Variants in JAK2 observed in about 807,000 individuals in gnomAD.
The protein encoded by JAK2 is tyrosine-protein kinase JAK2.
Under a neutral mutation model 139.3 loss-of-function variants are expected in JAK2, and 86 were observed. The observed-to-expected ratio is 0.62, with a 90% CI of 0.52 to 0.74. The LOEUF (loss-of-function observed/expected upper bound fraction) is 0.74. Among genes scored for constraint, JAK2 ranks in the 30% least tolerant of loss-of-function variants. The pLI, the probability that JAK2 is intolerant of heterozygous loss-of-function variation, is 0.00. For synonymous variants in JAK2, 490 were observed against 437.7 expected (o/e 1.12, Z -1.49); for missense variants, 1,421 against 1,360.3 (o/e 1.04, Z -0.70).
intron 22 of JAK2, chr9:5,091,113 A>G (rs934014090): frequency 1.6e-5 from 7 of 436,248 alleles, no homozygotes; most frequent in African/African-American, 1.0e-4. Flanking sequence ...CTTTATTTCT[A>G]TTAAGTGTTG....
intron 2 of JAK2, among the ~76,000 whole-genome samples, chr9:4,998,970 C>T (rs761032393): frequency 4.0e-5 from 6 of 150,940 alleles, no homozygotes; most frequent in Admixed American, 6.6e-5. Flanking sequence ...TACAGGTGCC[C>T]GCCACCACGC....
chr9:5,067,610 C>T (rs1290142339), intron 10 of JAK2, among the ~76,000 whole-genome samples: 1 of 151,786 alleles, frequency 6.6e-6, no homozygotes, highest in Non-Finnish European at 1.5e-5. Context: ...TATCCTGTTA[C>T]TATAACAGAT....
chr9:5,004,389 GTC>G, intron 2 of JAK2, among the ~76,000 whole-genome samples: 1 of 152,020 alleles, frequency 6.6e-6, no homozygotes, highest in Non-Finnish European at 1.5e-5. Flanking sequence ...ATACAGTTTT[GTC>G]TTTCTGTGCC....
chr9:5,082,446 C>T (rs571544729), intron 19 of JAK2, among the ~76,000 whole-genome samples: 12 of 152,332 alleles, frequency 7.9e-5, no homozygotes, highest in East Asian at 3.9e-4. Flanking sequence ...TCTCGCCTCC[C>T]GCCACAGGGC....
intron 6 of JAK2, among the ~76,000 whole-genome samples, chr9:5,051,952 T>C (rs1315696527): frequency 6.6e-6 from 1 of 152,046 alleles, no homozygotes; most frequent in Non-Finnish European, 1.5e-5. Flanking sequence ...ATCTAGAAGA[T>C]TCCAAAGCCC....
rs1824125805 is a variant in JAK2, at chr9:5,128,132, A to AAACTT, written c.*1344_*1348dup. The AAACTT allele has an allele frequency of 4.3e-6, 1 of 230,622 alleles. No homozygotes were observed. Among genetic ancestry groups the AAACTT allele is most frequent in the Non-Finnish European group, 8.5e-6 (1 of 117,220 alleles). 14.3% of individuals were successfully genotyped at this position (230,622 alleles called of 1,614,324 possible). A position where few individuals can be genotyped will look rare whatever the true frequency, so the allele number is the denominator to read the frequency against. On this transcript the variant is annotated 3_prime_UTR_variant, in exon 25 of 25. Transcript: ENST00000381652. Reference sequence around the variant, plus strand: ...TGTGTGTGTGTGTGTTATTTATACAAAACTTAAAATACTTGCTGTTTTGAT... The same window carrying AAACTT: ...TGTGTGTGTGTGTGTTATTTATACAAAACTTAACTTAAAATACTTGCTGTTTTGAT...
At chr9:5,029,996 C>A in intron 4 of JAK2, 90 bp downstream of exon 4, 3 of 1,120,472 alleles carry the variant, frequency 2.7e-6, no homozygotes, top group East Asian at 2.5e-5. Flanking sequence ...GTACTTAATA[C>A]CAGATACCTG....
At chr9:5,004,887 T>C (rs951559090) in intron 2 of JAK2, among the ~76,000 whole-genome samples, 2 of 151,832 alleles carry the variant, frequency 1.3e-5, no homozygotes, top group African/African-American at 4.8e-5. Flanking sequence ...TGAACGTTTT[T>C]TCATGAACAT....
Position 4,990,533 on chromosome 9 carries a change from A to C in JAK2, c.-26+4511A>C, listed in dbSNP as rs189716559. On this transcript the variant is annotated intron_variant, in intron 2 of 24. Transcript: ENST00000381652. ...GCGAAGTTAAGGCTGGTGCTGTGGT[A>C]CTTAAGAGAAAAGAGTGGGATTGCC... Among the ~76,000 whole-genome samples, 235 of 152,236 alleles carry C rather than the reference A, an allele frequency of 1.5e-3. 1 individual carries two copies. Among genetic ancestry groups the C allele is most frequent in the African/African-American group, 4.8e-3 (198 of 41,528 alleles).
At chr9:5,085,039 C>T (rs192184627) in intron 19 of JAK2, 13 of 787,666 alleles carry the variant, frequency 1.7e-5, no homozygotes, top group African/African-American at 5.2e-5. Context: ...TGAATGAGGG[C>T]GTCTCTTTCT....
chr9:5,080,935 G>T (rs1352531777), intron 18 of JAK2, among the ~76,000 whole-genome samples: 6 of 117,508 alleles, frequency 5.1e-5, no homozygotes, highest in African/African-American at 1.4e-4. Flanking sequence ...TTACTCTGTC[G>T]CCCAGGCTGG....
Position 5,128,028 on chromosome 9 carries a change from T to C in JAK2, c.*1237T>C. ...GGGGTTGTTCGTTGTTGTCATTTGT[T>C]ATAGTGCTACTCCACTTTAGACACC... On this transcript the variant is annotated 3_prime_UTR_variant, in exon 25 of 25. Coordinates refer to ENST00000381652, the MANE Select transcript of JAK2 (RefSeq NM_004972.4). The C allele has an allele frequency of 4.3e-6, 1 of 232,342 alleles. No homozygotes were observed. Among genetic ancestry groups the C allele is most frequent in the Non-Finnish European group, 8.5e-6 (1 of 117,432 alleles). 14.4% of individuals were successfully genotyped at this position (232,342 alleles called of 1,614,324 possible). A position where few individuals can be genotyped will look rare whatever the true frequency, so the allele number is the denominator to read the frequency against.
intron 18 of JAK2, among the ~76,000 whole-genome samples, chr9:5,081,001 T>C (rs2130612756): frequency 6.7e-6 from 1 of 150,146 alleles, no homozygotes; most frequent in African/African-American, 2.4e-5. Flanking sequence ...GTTCACGCCA[T>C]TCTCCTGCCT....
At chr9:5,064,811 A>T in intron 8 of JAK2, 72 bp from the exon 9 acceptor site, 2 of 1,171,662 alleles carry the variant, frequency 1.7e-6, no homozygotes, top group South Asian at 1.8e-5. Flanking sequence ...CATGGAATGA[A>T]GAAAATTTTC....
chr9:5,024,178 C>T (rs1459763702), intron 3 of JAK2, among the ~76,000 whole-genome samples: 1 of 152,108 alleles, frequency 6.6e-6, no homozygotes, highest in Non-Finnish European at 1.5e-5. Flanking sequence ...ATGGCATGAA[C>T]CCAGGAGGCG....
chr9:5,046,240 C>G (rs1425955044), intron 5 of JAK2, among the ~76,000 whole-genome samples: 2 of 152,066 alleles, frequency 1.3e-5, no homozygotes, highest in East Asian at 3.9e-4. Context: ...TACTGAAGTC[C>G]TTTGCCCATT....
At chr9:5,019,420 T>C (rs1225350642) in intron 2 of JAK2, among the ~76,000 whole-genome samples, 1 of 152,144 alleles carries the variant, frequency 6.6e-6, no homozygotes, top group Non-Finnish European at 1.5e-5. Flanking sequence ...AAATTTCTCA[T>C]TGATATCCTG....
intron 14 of JAK2, among the ~76,000 whole-genome samples, chr9:5,074,202 C>T (rs959411036): frequency 6.6e-6 from 1 of 151,946 alleles, no homozygotes; most frequent in Admixed American, 6.6e-5. Flanking sequence ...TGATATGATA[C>T]TAGATATATT....
intron 22 of JAK2, among the ~76,000 whole-genome samples, chr9:5,119,834 G>C (rs995458509): frequency 1.3e-5 from 2 of 151,898 alleles, no homozygotes; most frequent in African/African-American, 4.8e-5. Context: ...AAGCAAATCA[G>C]GCAGTTAGCA....
Sources: gnomAD v4.1 joint callset for allele counts (sites outside exome capture counted in the v4.1 genomes callset) on GRCh38, gnomAD v4.1.1 for gene constraint, MANE v1.5 for transcripts, NCBI Gene and HGNC (gene_info 2026-07-23, HGNC 2026-07-21) for gene names.